PDE4D: variants seen among roughly 807,000 people sequenced by gnomAD.
The protein encoded by PDE4D is 3',5'-cyclic-AMP phosphodiesterase 4D.
PDE4D carries 24 observed loss-of-function variants against 87.4 expected under a neutral mutation model. The ratio of observed to expected loss-of-function variants is 0.27; its 90% CI spans 0.20 to 0.39. PDE4D has a LOEUF of 0.39. Ranked by LOEUF, PDE4D falls within the 10% of genes least tolerant of loss-of-function variation. The pLI, the probability that PDE4D is intolerant of heterozygous loss-of-function variation, is 1.00. For missense variants in PDE4D, 714 were observed against 1,041.0 expected (o/e 0.69, Z 4.32); for synonymous variants, 384 against 383.2 (o/e 1.00, Z -0.02).
chr5:60,139,398 A>T (rs1780326910), intron 2 of PDE4D, among the ~76,000 whole-genome samples: 1 of 152,134 alleles, frequency 6.6e-6, no homozygotes, highest in African/African-American at 2.4e-5. Flanking sequence ...AGGAGGCATT[A>T]TATGTTAATC....
At chr5:60,120,781 A>G (rs1191083389) in intron 2 of PDE4D, among the ~76,000 whole-genome samples, 1 of 152,164 alleles carries the variant, frequency 6.6e-6, no homozygotes, top group Non-Finnish European at 1.5e-5. Flanking sequence ...TGGGTTGCCT[A>G]GTAATGGCTT....
At chr5:59,780,534 T>C (rs955316384) in intron 1 of PDE4D, among the ~76,000 whole-genome samples, 4 of 152,214 alleles carry the variant, frequency 2.6e-5, no homozygotes, top group Non-Finnish European at 4.4e-5. Flanking sequence ...CAGTAAAATA[T>C]GTTTTAAATT....
intron 5 of PDE4D, among the ~76,000 whole-genome samples, chr5:59,144,893 G>C (rs112840785): frequency 0.02 from 616 of 30,174 alleles, 11 homozygotes; most frequent in Middle Eastern, 0.083. Context: ...GGTTTAATGG[G>C]GGGGGGGGGG....
intron 6 of PDE4D, among the ~76,000 whole-genome samples, chr5:59,021,951 A>C (rs1755237241): frequency 6.6e-6 from 1 of 152,176 alleles, no homozygotes; most frequent in Non-Finnish European, 1.5e-5. Flanking sequence ...ACTCCCAGGC[A>C]GCCGGTCCTT....
chr5:60,241,369 G>T (rs937300441), intron 1 of PDE4D, among the ~76,000 whole-genome samples: 17 of 150,350 alleles, frequency 1.1e-4, no homozygotes, highest in Non-Finnish European at 2.5e-4. Flanking sequence ...TGCCTCCAGG[G>T]TTCAAGCAAT....
chr5:59,638,201 A>T (rs897562964), intron 1 of PDE4D, among the ~76,000 whole-genome samples: 4 of 152,184 alleles, frequency 2.6e-5, no homozygotes, highest in Non-Finnish European at 4.4e-5. Flanking sequence ...AATAATTAAG[A>T]TATTTACTGA....
At chr5:59,353,409 C>T (rs1432398209) in intron 1 of PDE4D, among the ~76,000 whole-genome samples, 1 of 151,760 alleles carries the variant, frequency 6.6e-6, no homozygotes, top group Non-Finnish European at 1.5e-5. Context: ...ATAAACTTCT[C>T]CACATTGTTT....
At chr5:59,668,775 A>AAG (rs1746517144) in intron 1 of PDE4D, among the ~76,000 whole-genome samples, 3 of 137,052 alleles carry the variant, frequency 2.2e-5, no homozygotes, top group African/African-American at 8.4e-5. Flanking sequence ...GAAGAAGAAG[A>AAG]AAGAAGAAGA....
chr5:59,417,371 A>G (rs1582496069), intron 1 of PDE4D, among the ~76,000 whole-genome samples: 1 of 152,188 alleles, frequency 6.6e-6, no homozygotes, highest in East Asian at 1.9e-4. Context: ...AACAGCTTCA[A>G]TAAAATACCC....
At chr5:60,052,747 T>C (rs1770328332) in intron 2 of PDE4D, among the ~76,000 whole-genome samples, 1 of 152,196 alleles carries the variant, frequency 6.6e-6, no homozygotes, top group Admixed American at 6.5e-5. Context: ...GGAAGTCAAA[T>C]TGTCTCTGTT....
chr5:59,183,118 A>G (rs1430730086), intron 4 of PDE4D, among the ~76,000 whole-genome samples: 1 of 152,204 alleles, frequency 6.6e-6, no homozygotes, highest in Non-Finnish European at 1.5e-5. Context: ...TTCTCACTGA[A>G]CAGAATCGAG....
At chr5:59,557,913 T>A (rs1268223146) in intron 1 of PDE4D, among the ~76,000 whole-genome samples, 1 of 152,182 alleles carries the variant, frequency 6.6e-6, no homozygotes, top group East Asian at 1.9e-4. Context: ...ATTCAGCTTT[T>A]CTGGTTGGAA....
intron 1 of PDE4D, among the ~76,000 whole-genome samples, chr5:59,348,831 C>T (rs1277237987): frequency 6.6e-6 from 1 of 152,038 alleles, no homozygotes; most frequent in Non-Finnish European, 1.5e-5. Flanking sequence ...ATGGCTCATG[C>T]CTGTAATCCC....
At chr5:59,706,547 A>C (rs751824598) in intron 1 of PDE4D, among the ~76,000 whole-genome samples, 11 of 152,182 alleles carry the variant, frequency 7.2e-5, no homozygotes, top group African/African-American at 1.9e-4. Context: ...AACTAGAAAT[A>C]TCTCTCTTCT....
chr5:59,933,792 T>A (rs1435078), intron 3 of PDE4D, among the ~76,000 whole-genome samples: 1,347 of 99,294 alleles, frequency 0.014, 22 homozygotes, highest in African/African-American at 0.044. Flanking sequence ...ATATATATAT[T>A]AATAAGCATT....
At chr5:59,892,935 C>T (rs1054160444) in intron 1 of PDE4D, among the ~76,000 whole-genome samples, 1 of 146,360 alleles carries the variant, frequency 6.8e-6, no homozygotes, top group African/African-American at 2.5e-5. Flanking sequence ...CACACACACA[C>T]ACACGGCCCC....
chr5:60,381,204 T>C (rs1199814677), intron 1 of PDE4D, among the ~76,000 whole-genome samples: 2 of 152,166 alleles, frequency 1.3e-5, no homozygotes, highest in African/African-American at 2.4e-5. Context: ...TCTGAGTAGC[T>C]GAGGTAAGTC....
intron 3 of PDE4D, among the ~76,000 whole-genome samples, chr5:59,958,622 G>A (rs1201445543): frequency 1.3e-5 from 2 of 152,048 alleles, no homozygotes; most frequent in Non-Finnish European, 2.9e-5. Context: ...TACAGAAAAA[G>A]CATTGGACAA....
intron 1 of PDE4D, among the ~76,000 whole-genome samples, chr5:59,461,916 A>G (rs1407703877): frequency 1.3e-5 from 2 of 152,160 alleles, no homozygotes; most frequent in African/African-American, 4.8e-5. Context: ...TCTTAATGCA[A>G]TAATAGATTT....
Sources: allele counts gnomAD v4.1 joint callset (sites outside exome capture counted in the v4.1 genomes callset), GRCh38; gene constraint gnomAD v4.1.1; transcripts MANE v1.5; gene names NCBI Gene and HGNC (gene_info 2026-07-23, HGNC 2026-07-21).